Variants in PACSIN3 observed in about 807,000 individuals in gnomAD.
PACSIN3 encodes protein kinase C and casein kinase substrate in neurons protein 3.
Under a neutral mutation model 56.1 loss-of-function variants are expected in PACSIN3, and 34 were observed. The ratio of observed to expected loss-of-function variants is 0.61; its 90% confidence interval spans 0.46 to 0.81. The LOEUF (loss-of-function observed/expected upper bound fraction) is 0.81. Ranked by LOEUF, PACSIN3 falls within the 30% of genes least tolerant of loss-of-function variation. PACSIN3 has a pLI of 0.00. For synonymous variants in PACSIN3, 218 were observed against 229.8 expected (o/e 0.95, Z 0.46); for missense variants, 535 against 592.4 (o/e 0.90, Z 1.01).
In PACSIN3 at chr11:47,180,544, G is replaced by A. The variant is rs772207416; in HGVS notation, c.358C>T (p.Arg120Trp). The part of the protein sequence containing the change: ...VRAWQRGAFH[R>W]PVLGGFRESR... Reference sequence around the variant, plus strand: ...TCGCGGAAGCCGCCCAGCACAGGCCGGTGGAAAGCCCCCCGCTGCCAGGCG... The same window carrying A: ...TCGCGGAAGCCGCCCAGCACAGGCCAGTGGAAAGCCCCCCGCTGCCAGGCG... Residue 120 changes from arginine to tryptophan, a missense_variant, in exon 5 of 11, where the codon CGG (arginine) becomes TGG (tryptophan). By Grantham distance (101) the Arg-to-Trp change is moderately radical. Coordinates refer to ENST00000298838, the MANE Select transcript of PACSIN3 (RefSeq NM_016223.5). 2.2e-5 allele frequency: 35 copies of A among 1,603,888 alleles called. No individual in the cohort carries two copies. The highest frequency in any genetic ancestry group is 8.0e-5 in the African/African-American group (6 of 74,924).
At chr11:47,183,681 G>A (rs556879393) in intron 1 of PACSIN3, among the ~76,000 whole-genome samples, 11 of 152,212 alleles carry the variant, frequency 7.2e-5, no homozygotes, top group Admixed American at 1.3e-4. Context: ...CCAAAGGCCT[G>A]GCGTCCAGGG....
At position 47,178,532 on chromosome 11, in the gene PACSIN3, C is replaced by G; in HGVS notation, c.1038-45G>C. ...GGAGCAGCTCAGAGTGCAAGGAACACGGGGCTGGAGATCTCACCCAGGATC... is the reference window on the plus strand; with the variant it reads ...GGAGCAGCTCAGAGTGCAAGGAACAGGGGGCTGGAGATCTCACCCAGGATC... On this transcript the variant is annotated intron_variant, in intron 9 of 10. Transcript: ENST00000298838. This position sits in a 1 kb window ranked among gnomAD's most constrained non-coding sequence, Gnocchi z 4.2. 6.3e-7 allele frequency: 1 copy of G among 1,598,878 alleles called. No homozygotes were observed. The highest frequency in any genetic ancestry group is 8.5e-7 in the Non-Finnish European group (1 of 1,171,452).
rs780443505 is a variant in PACSIN3, at chr11:47,178,912, T to G, written c.1019A>C (p.Gln340Pro). Residue 340 changes from glutamine to proline, a missense_variant, in exon 9 of 11, where the codon CAG becomes CCG. Coordinates refer to ENST00000298838, the MANE Select transcript of PACSIN3 (RefSeq NM_016223.5). The surrounding 1 kb of genome is among the most constrained non-coding windows in gnomAD (Gnocchi z 4.2). ...CTCTCACCCTGGGGACCCCGGGGACTGGGGTGGGGGTGCGGTGCCATCTCT... is the reference window on the plus strand; with the variant it reads ...CTCTCACCCTGGGGACCCCGGGGACGGGGGTGGGGGTGCGGTGCCATCTCT... Reference protein sequence around the residue: ...PTRDGTAPPPQSPGSPGTGQD... With the variant: ...PTRDGTAPPPPSPGSPGTGQD... The G allele has an allele frequency of 6.2e-7, 1 of 1,613,890 alleles. No homozygotes were observed.
Position 47,178,052 on chromosome 11 carries a change from G to T in PACSIN3, c.1160-6C>A. 1.2e-6 allele frequency: 2 copies of T among 1,611,130 alleles called. No homozygotes were observed. The highest frequency in any genetic ancestry group is 1.7e-6 in the Non-Finnish European group (2 of 1,177,770). On this transcript the variant is annotated splice_region_variant and splice_polypyrimidine_tract_variant and intron_variant, in intron 10 of 10. Coordinates refer to ENST00000298838, the MANE Select transcript of PACSIN3 (RefSeq NM_016223.5). This position sits in a 1 kb window ranked among gnomAD's most constrained non-coding sequence, Gnocchi z 4.2. ...CATCTTCAGCAGCTCCTCCCCTGGG[G>T]GAAAGGGGATTGGTCACTGCCAGTG... is the stretch of plus-strand genomic sequence containing the variant.
chr11:47,184,852 G>C (rs912427882), intron 1 of PACSIN3, among the ~76,000 whole-genome samples: 2 of 152,176 alleles, frequency 1.3e-5, no homozygotes, highest in African/African-American at 2.4e-5. Context: ...CGAGTTCCCT[G>C]CTCCCCAGAG....
intron 4 of PACSIN3, 117 bp downstream of exon 4, chr11:47,182,286 C>T: frequency 1.0e-6 from 1 of 996,000 alleles, no homozygotes; most frequent in Non-Finnish European, 1.5e-6. Flanking sequence ...AGGATCTTCC[C>T]TTTCTAAGGG....
Position 47,182,502 on chromosome 11 carries a change from C to G in PACSIN3, c.112G>C (p.Asp38His). The G allele has an allele frequency of 6.2e-7, 1 of 1,612,034 alleles. No homozygotes were observed. The highest frequency in any genetic ancestry group is 1.1e-5 in the South Asian group (1 of 91,078). ...CGCTCCTGGAAGCAGCTGACCAGGT[C>G]CCCGCACAGCCGGTGCCCGTCCTCC... ...RVEDGHRLCG[D>H]LVSCFQERAR... The change falls in exon 4 of 11, where the codon GAC becomes CAC. Residue 38 changes from aspartate to histidine, a missense_variant. By Grantham distance (81) the Asp-to-His change is moderately conservative. Transcript: ENST00000298838.
chr11:47,178,408 CAT>C lies in PACSIN3; in HGVS notation c.1115_1116del (p.Tyr372Ter), dbSNP rs1565137456. 5 of 1,614,088 alleles carry C rather than the reference CAT, an allele frequency of 3.1e-6. No individual in the cohort carries two copies. Among genetic ancestry groups the C allele is most frequent in the East Asian group, 2.2e-5 (1 of 44,886 alleles). On this transcript the variant is annotated frameshift_variant, in exon 10 of 11. Transcript: ENST00000298838. LOFTEE classifies it high-confidence loss of function. This position sits in a 1 kb window ranked among gnomAD's most constrained non-coding sequence, Gnocchi z 4.2. ...AATGVRVRAL[Y>X]DYAGQEADEL... ...TCATCAGCTTCCTGGCCAGCGTAGT[CAT>C]AGAGTGCCCTCACCCGAACCCCGGT...
Position 47,180,514 on chromosome 11 carries a change from G to GGCTCTCGCGGAAGCCGCCCA in PACSIN3, c.368_387dup (p.Arg130TrpfsTer22), listed in dbSNP as rs1565139266. The GGCTCTCGCGGAAGCCGCCCA allele has an allele frequency of 6.2e-7, 1 of 1,603,802 alleles. No homozygotes were observed. Among genetic ancestry groups the GGCTCTCGCGGAAGCCGCCCA allele is most frequent in the South Asian group, 1.1e-5 (1 of 90,970 alleles). On this transcript the variant is annotated frameshift_variant, in exon 5 of 11. Transcript: ENST00000298838. LOFTEE classifies it high-confidence loss of function. The stretch of plus-strand genomic sequence containing the variant: ...TTGCGGAAGCCGTCCTCGGCCGCCC[G>GGCTCTCGCGGAAGCCGCCCA]GCTCTCGCGGAAGCCGCCCAGCACA...
chr11:47,184,416 T>A (rs556766937), intron 1 of PACSIN3: 28 of 152,346 alleles, frequency 1.8e-4, no homozygotes, highest in Non-Finnish European at 3.7e-4. Flanking sequence ...GTATAACCCA[T>A]GGAGTTGTGG....
At position 47,178,088 on chromosome 11, in the gene PACSIN3, A is replaced by C; in HGVS notation, c.1160-42T>G. ...TGGTCACTGCCAGTGGCCCTGGCCC[A>C]GGCCCTGTTCCTGCAACTGGGTCAA... On this transcript the variant is annotated intron_variant, in intron 10 of 10. Transcript: ENST00000298838. This position sits in a 1 kb window ranked among gnomAD's most constrained non-coding sequence, Gnocchi z 4.2. The C allele has an allele frequency of 5.2e-6, 8 of 1,542,208 alleles. No homozygotes were observed. The highest frequency in any genetic ancestry group is 7.1e-6 in the Non-Finnish European group (8 of 1,120,730).
intron 1 of PACSIN3, among the ~76,000 whole-genome samples, chr11:47,183,684 G>A (rs965583748): frequency 3.9e-5 from 6 of 152,194 alleles, no homozygotes; most frequent in African/African-American, 7.2e-5. Context: ...AAGGCCTGGC[G>A]TCCAGGGCAG....
chr11:47,180,553 C>T lies in PACSIN3; in HGVS notation c.349G>A (p.Ala117Thr), dbSNP rs1301880120. Reference protein sequence around the residue: ...SERVRAWQRGAFHRPVLGGFR... With the variant: ...SERVRAWQRGTFHRPVLGGFR... The stretch of plus-strand genomic sequence containing the variant: ...CCGCCCAGCACAGGCCGGTGGAAAG[C>T]CCCCCGCTGCCAGGCGCGCACCCGC... Residue 117 changes from alanine (A) to threonine (T), a missense_variant, in exon 5 of 11, where the codon GCT (alanine) becomes ACT (threonine). By Grantham distance (58) the Ala-to-Thr change is moderately conservative. Coordinates refer to ENST00000298838, the MANE Select transcript of PACSIN3 (RefSeq NM_016223.5). 1 of 1,603,452 alleles carries T rather than the reference C, an allele frequency of 6.2e-7. No homozygotes were observed. The highest frequency in any genetic ancestry group is 2.2e-5 in the East Asian group (1 of 44,866).
Position 47,177,686 on chromosome 11 carries a change from G to T in PACSIN3, c.*245C>A. The T allele has an allele frequency of 1.9e-6, 1 of 537,816 alleles. No homozygotes were observed. Among genetic ancestry groups the T allele is most frequent in the Non-Finnish European group, 3.3e-6 (1 of 302,892 alleles). 33.3% of individuals were successfully genotyped at this position (537,816 alleles called of 1,614,324 possible). ...GTCCACAGCTCCTGGGGAGGCCCAG[G>T]CACCCCTGAACGCTTCTGTCACCTC... On this transcript the variant is annotated 3_prime_UTR_variant, in exon 11 of 11. Transcript: ENST00000298838.
At chr11:47,183,958 G>A (rs1953074991) in intron 1 of PACSIN3, among the ~76,000 whole-genome samples, 1 of 151,920 alleles carries the variant, frequency 6.6e-6, no homozygotes, top group African/African-American at 2.4e-5. Flanking sequence ...GGAGGCGGAG[G>A]AGGTTGCGGT....
At position 47,177,579 on chromosome 11, in the gene PACSIN3, GC is replaced by G; in HGVS notation, c.*351del. Reference sequence around the variant, plus strand: ...CAAGTTTTAATACACGCTAGAACAAGCCACAAGAGGGTGCTGCTAGGCCAGA... The same window carrying G: ...CAAGTTTTAATACACGCTAGAACAAGCACAAGAGGGTGCTGCTAGGCCAGA... On this transcript the variant is annotated 3_prime_UTR_variant, in exon 11 of 11. Coordinates refer to ENST00000298838, the MANE Select transcript of PACSIN3 (RefSeq NM_016223.5). 3.2e-6 allele frequency: 1 copy of G among 307,998 alleles called. No homozygotes were observed. The highest frequency in any genetic ancestry group is 3.9e-5 in the South Asian group (1 of 25,946). 19.1% of individuals were successfully genotyped at this position (307,998 alleles called of 1,614,324 possible). A position where few individuals can be genotyped will look rare whatever the true frequency, so the allele number is the denominator to read the frequency against.
chr11:47,180,386 G>C (rs1160156067), intron 5 of PACSIN3, 45 bp from the exon 6 acceptor site: 1 of 1,599,800 alleles, frequency 6.3e-7, no homozygotes, highest in Non-Finnish European at 8.5e-7. Context: ...GCCACACCTT[G>C]GCCCCCTCGA....
chr11:47,182,263 G>T, intron 4 of PACSIN3, 140 bp downstream of exon 4: 1 of 766,218 alleles, frequency 1.3e-6, no homozygotes, highest in Non-Finnish European at 2.0e-6. Flanking sequence ...CCACAGCCAT[G>T]AGGATGACCA....
Position 47,183,057 on chromosome 11 carries a change from A to T in PACSIN3, c.-91T>A, listed in dbSNP as rs922283802. 5 of 258,906 alleles carry T rather than the reference A, an allele frequency of 1.9e-5. No individual in the cohort carries two copies. Among genetic ancestry groups the T allele is most frequent in the African/African-American group, 4.6e-5 (2 of 43,138 alleles). 16.0% of individuals were successfully genotyped at this position (258,906 alleles called of 1,614,324 possible). ...CGGGTGTCCAACTCTCAATGCTGCC[A>T]CCGTGACTCTGCCTTGAAGGAGAAC... On this transcript the variant is annotated 5_prime_UTR_variant, in exon 2 of 11. Transcript: ENST00000298838.
Sources: allele counts gnomAD v4.1 joint callset (sites outside exome capture counted in the v4.1 genomes callset), GRCh38; gene constraint gnomAD v4.1.1; non-coding constraint Gnocchi (gnomAD v3.1); transcripts MANE v1.5; gene names NCBI Gene and HGNC (gene_info 2026-07-23, HGNC 2026-07-21).